SEPTIN9: variants seen among roughly 807,000 people sequenced by gnomAD.
SEPTIN9 encodes the protein septin-9.
Under a neutral mutation model 56.6 loss-of-function variants are expected in SEPTIN9, and 13 were observed. The observed-to-expected ratio is 0.23, with a 90% CI of 0.15 to 0.37. SEPTIN9 has a LOEUF of 0.37. SEPTIN9 is among the 10% of genes least tolerant of loss of function. The pLI, the probability that SEPTIN9 is intolerant of heterozygous loss-of-function variation, is 1.00. For synonymous variants in SEPTIN9, 332 were observed against 334.1 expected (o/e 0.99, Z 0.07); for missense variants, 650 against 823.1 (o/e 0.79, Z 2.57).
chr17:77,492,686 G>A lies in SEPTIN9; in HGVS notation c.1446G>A (p.Ser482=), dbSNP rs80015943. ...CCCAGAAGGAATTTGATGAGGACTC[G>A]GAGGACCGGCTGGTGAACGAGAAGT... ...VYPQKEFDED[S]EDRLVNEKFR... Residue 482 remains serine, a synonymous_variant, in exon 9 of 12, where the codon TCG becomes TCA. Transcript: ENST00000427177. The surrounding 1 kb of genome is among the most constrained non-coding windows in gnomAD (Gnocchi z 5.4). 2.9e-4 allele frequency: 463 copies of A among 1,614,128 alleles called. 1 individual carries two copies. The Middle Eastern group carries it at 5.8e-3, about 20-fold the overall frequency.
chr17:77,470,058 C>CTCATTCACCCATCTAT, intron 3 of SEPTIN9, among the ~76,000 whole-genome samples: 1 of 151,460 alleles, frequency 6.6e-6, no homozygotes, highest in Non-Finnish European at 1.5e-5. Flanking sequence ...CACTCATCCA[C>CTCATTCACCCATCTAT]CCATCCACTC....
rs563910909 is a variant in SEPTIN9, at chr17:77,388,186, T to A, written c.77-13873T>A. ...AGCTTTTCAAGTTCTTAGATGGGCT[T>A]GATGGAGTTTCCCAATGCGTTGTCT... On this transcript the variant is annotated intron_variant, in intron 2 of 11. Coordinates refer to ENST00000427177, the MANE Select transcript of SEPTIN9 (RefSeq NM_001113491.2). Among the ~76,000 whole-genome samples the A allele has an allele frequency of 9.9e-5, 15 of 152,252 alleles. No individual in the cohort carries two copies. In the South Asian group the frequency reaches 3.1e-3, roughly 32 times the overall value.
At chr17:77,420,453 T>A (rs2036659278) in intron 3 of SEPTIN9, among the ~76,000 whole-genome samples, 1 of 152,176 alleles carries the variant, frequency 6.6e-6, no homozygotes, top group Non-Finnish European at 1.5e-5. Context: ...CAGAGATACC[T>A]GGGCAGTCCC....
At chr17:77,331,689 C>T (rs1280523327) in intron 2 of SEPTIN9, among the ~76,000 whole-genome samples, 1 of 152,286 alleles carries the variant, frequency 6.6e-6, no homozygotes, top group East Asian at 1.9e-4. Context: ...CCAACTGTGA[C>T]TGCTCACTGC....
chr17:77,292,706 C>A (rs1211100053), intron 1 of SEPTIN9, among the ~76,000 whole-genome samples: 1 of 152,090 alleles, frequency 6.6e-6, no homozygotes, highest in Non-Finnish European at 1.5e-5. Flanking sequence ...ATTGGCCGGG[C>A]TGGTCTCGAA....
At chr17:77,325,522 A>G (rs1018135346) in intron 2 of SEPTIN9, among the ~76,000 whole-genome samples, 13 of 152,224 alleles carry the variant, frequency 8.5e-5, no homozygotes, top group African/African-American at 2.9e-4. Context: ...CTACCGGGAA[A>G]GCCTGGGCCG....
chr17:77,293,872 G>A (rs937761168), intron 1 of SEPTIN9, among the ~76,000 whole-genome samples: 1 of 152,172 alleles, frequency 6.6e-6, no homozygotes, highest in African/African-American at 2.4e-5. Flanking sequence ...GGGAGGCCAA[G>A]GCAGGTGGAT....
At chr17:77,489,900 C>T (rs1230786132) in intron 7 of SEPTIN9, among the ~76,000 whole-genome samples, 1 of 152,204 alleles carries the variant, frequency 6.6e-6, no homozygotes, top group Non-Finnish European at 1.5e-5. Context: ...GGCAGCTGTT[C>T]CAGCTGCTCC....
intron 4 of SEPTIN9, among the ~76,000 whole-genome samples, chr17:77,486,963 C>A (rs775590063): frequency 1.3e-5 from 2 of 152,196 alleles, no homozygotes; most frequent in African/African-American, 4.8e-5. Context: ...CCTGGCCGGT[C>A]AGGGAGGAGC....
chr17:77,420,747 G>A (rs181914493), intron 3 of SEPTIN9, among the ~76,000 whole-genome samples: 15 of 152,294 alleles, frequency 9.8e-5, no homozygotes, highest in Admixed American at 6.5e-5. Context: ...TGAATGAGAC[G>A]ACTTTCCTGG....
intron 3 of SEPTIN9, among the ~76,000 whole-genome samples, chr17:77,414,497 TAAG>T (rs1468557366): frequency 3.9e-5 from 6 of 152,166 alleles, no homozygotes; most frequent in Non-Finnish European, 8.8e-5. Context: ...ATTTTTTTCT[TAAG>T]AAGAAACCCC....
At chr17:77,385,067 C>T (rs762178047) in intron 2 of SEPTIN9, among the ~76,000 whole-genome samples, 1 of 151,846 alleles carries the variant, frequency 6.6e-6, no homozygotes, top group African/African-American at 2.4e-5. Flanking sequence ...TTCATGGGCT[C>T]GTGCCCGTAA....
At chr17:77,360,899 T>A (rs2034394423) in intron 2 of SEPTIN9, among the ~76,000 whole-genome samples, 1 of 149,054 alleles carries the variant, frequency 6.7e-6, no homozygotes, top group African/African-American at 2.5e-5. Context: ...AGTTTCAGCC[T>A]TGTTTGTCTT....
intron 3 of SEPTIN9, among the ~76,000 whole-genome samples, chr17:77,457,012 TG>T (rs1402041085): frequency 6.6e-6 from 1 of 152,230 alleles, no homozygotes; most frequent in Non-Finnish European, 1.5e-5. Context: ...AAGCCATCAC[TG>T]CGGTCTCAGG....
chr17:77,330,821 GTCTCCTTCA>G lies in SEPTIN9; in HGVS notation c.76+23625_76+23633del, dbSNP rs1374345089. Among the ~76,000 whole-genome samples, 1 of 152,248 alleles carries G rather than the reference GTCTCCTTCA, an allele frequency of 6.6e-6. No homozygotes were observed. The highest frequency in any genetic ancestry group is 2.4e-5 in the African/African-American group (1 of 41,472). On this transcript the variant is annotated intron_variant, in intron 2 of 11. Transcript: ENST00000427177. The surrounding 1 kb of genome is among the most constrained non-coding windows in gnomAD (Gnocchi z 4.4). ...CGTTGTCTTTCCTCAGAGTTGCACT[GTCTCCTTCA>G]CTGTCCCTGCCTGGCCCCAGTGCTC...
intron 1 of SEPTIN9, among the ~76,000 whole-genome samples, chr17:77,304,450 A>T (rs984600748): frequency 6.6e-6 from 1 of 152,202 alleles, no homozygotes; most frequent in Non-Finnish European, 1.5e-5. Context: ...AGAGTGGGCC[A>T]GCATGTTTCC....
At chr17:77,373,551 A>C (rs766462816) in intron 2 of SEPTIN9, 1 of 1,545,972 alleles carries the variant, frequency 6.5e-7, no homozygotes, top group South Asian at 1.2e-5. Flanking sequence ...CGGACTTCGA[A>C]GGTGGGTGCT....
intron 8 of SEPTIN9, among the ~76,000 whole-genome samples, chr17:77,491,701 G>T (rs2040035202): frequency 6.6e-6 from 1 of 151,288 alleles, no homozygotes; most frequent in African/African-American, 2.4e-5. Flanking sequence ...AGCTACTTGG[G>T]AGGCTGAGGC....
At chr17:77,493,248 G>C (rs1225672326) in intron 10 of SEPTIN9, 172 bp downstream of exon 10, 7 of 631,678 alleles carry the variant, frequency 1.1e-5, no homozygotes, top group Admixed American at 9.7e-5. Flanking sequence ...GAAAGTGAGA[G>C]GGCAAGTGGC....
Sources: gnomAD v4.1 joint callset for allele counts (sites outside exome capture counted in the v4.1 genomes callset) on GRCh38, gnomAD v4.1.1 for gene constraint, Gnocchi (gnomAD v3.1) non-coding constraint, MANE v1.5 for transcripts, NCBI Gene and HGNC (gene_info 2026-07-23, HGNC 2026-07-21) for gene names.